GATA4: variants seen among roughly 807,000 people sequenced by gnomAD.
GATA4 encodes GATA binding protein 4, also known as transcription factor GATA-4.
In GATA4, 7 loss-of-function variants were observed where a neutral mutation model predicts 37.9. The observed-to-expected ratio is 0.18, with a 90% confidence interval of 0.11 to 0.35. GATA4 has a LOEUF of 0.35. Ranked by LOEUF, GATA4 falls within the 10% of genes least tolerant of loss-of-function variation. The probability of loss-of-function intolerance (pLI) is 1.00; values close to 1 mark genes in which losing one functional copy is unlikely to be tolerated. For missense variants in GATA4, 647 were observed against 653.0 expected, an observed-to-expected ratio of 0.99 and a Z score of 0.10; for synonymous variants, 372 against 292.6, an observed-to-expected ratio of 1.27 and a Z score of -2.77.
At chr8:11,753,647 TAG>T in intron 4 of GATA4, among the ~76,000 whole-genome samples, 1 of 151,806 alleles carries the variant, frequency 6.6e-6, no homozygotes, top group South Asian at 2.1e-4. Context: ...GGTCTGGGTG[TAG>T]AGTCACAGAG....
chr8:11,688,433 A>C (rs1314039286), upstream of GATA4, among the ~76,000 whole-genome samples: 1 of 152,214 alleles, frequency 6.6e-6, no homozygotes, highest in African/African-American at 2.4e-5. Context: ...GGATTATAGA[A>C]TTACTAAAGG....
At position 11,708,964 on chromosome 8, in the gene GATA4, C is replaced by T. The variant is rs1322558667; in HGVS notation, c.616+36C>T. ...GCGCGAGGGCTGGGGCGCGTGAGGG[C>T]CGGGGCAGGGGCCGTCTTGAGCCCT... On this transcript the variant is annotated intron_variant, in intron 2 of 6. Coordinates refer to ENST00000532059, the MANE Select transcript of GATA4 (RefSeq NM_001308093.3). This position sits in a 1 kb window ranked among gnomAD's most constrained non-coding sequence, Gnocchi z 6.7. 3.3e-6 allele frequency: 5 copies of T among 1,513,154 alleles called. No homozygotes were observed. The Admixed American group carries it at 6.3e-5, about 19-fold the overall frequency. 93.7% of individuals were successfully genotyped at this position (1,513,154 alleles called of 1,614,324 possible).
At chr8:11,736,933 G>T (rs903384640) in intron 2 of GATA4, among the ~76,000 whole-genome samples, 1 of 152,148 alleles carries the variant, frequency 6.6e-6, no homozygotes, top group African/African-American at 2.4e-5. Flanking sequence ...ATTGTCTCCT[G>T]GCCCTGGTAA....
At chr8:11,756,799 T>G in intron 5 of GATA4, 136 bp from the exon 6 acceptor site, 1 of 1,168,734 alleles carries the variant, frequency 8.6e-7, no homozygotes, top group Non-Finnish European at 1.3e-6. Context: ...CCTCCGCAGA[T>G]AAGGACCTCT....
chr8:11,753,506 A>G (rs1189303563), intron 4 of GATA4, among the ~76,000 whole-genome samples: 1 of 151,412 alleles, frequency 6.6e-6, no homozygotes, highest in Non-Finnish European at 1.5e-5. Context: ...GAAAAAAAAA[A>G]AGCATACCTA....
Position 11,749,793 on chromosome 8 carries a change from G to T in GATA4, c.787-318G>T, listed in dbSNP as rs1404695829. Among the ~76,000 whole-genome samples, 1 of 152,204 alleles carries T rather than the reference G, an allele frequency of 6.6e-6. No homozygotes were observed. The highest frequency in any genetic ancestry group is 6.5e-5 in the Admixed American group (1 of 15,288). Reference sequence around the variant, plus strand: ...CAGCCCCGGTCAGTTCTCCTCTCAGGAGAAGCTTTCCTGCCGGCAGTGCCC... The same window carrying T: ...CAGCCCCGGTCAGTTCTCCTCTCAGTAGAAGCTTTCCTGCCGGCAGTGCCC... On this transcript the variant is annotated intron_variant, in intron 3 of 6. Coordinates refer to ENST00000532059, the MANE Select transcript of GATA4 (RefSeq NM_001308093.3). The surrounding 1 kb of genome is among the most constrained non-coding windows in gnomAD (Gnocchi z 4.6).
intron 1 of GATA4, chr8:11,681,010 A>G: frequency 9.5e-6 from 9 of 942,566 alleles, no homozygotes; most frequent in Non-Finnish European, 1.1e-5. Flanking sequence ...GCACCCCCGA[A>G]TCCCATACCC....
At chr8:11,746,717 G>C (rs1802051421) in intron 2 of GATA4, among the ~76,000 whole-genome samples, 2 of 152,230 alleles carry the variant, frequency 1.3e-5, no homozygotes, top group Admixed American at 1.3e-4. Context: ...GATTGTGGTG[G>C]TCCAGCTGGG....
At position 11,693,562 on chromosome 8, in the gene GATA4, C is replaced by CAGAGAG. The variant is rs139631153; in HGVS notation, c.-729+930_-729+935dup. 9.1e-4 allele frequency among the ~76,000 whole-genome samples: 66 copies of CAGAGAG among 72,218 alleles called. 1 individual carries two copies. The highest frequency in any genetic ancestry group is 2.6e-3 in the African/African-American group (51 of 19,850). 47.4% of individuals were successfully genotyped at this position (72,218 alleles called of 152,430 possible). A position where few individuals can be genotyped will look rare whatever the true frequency, so the allele number is the denominator to read the frequency against. The stretch of plus-strand genomic sequence containing the variant: ...ACACACACACACACACACACACACA[C>CAGAGAG]AGAGAGAGAGAGAGAGAGAGAGAGA... On this transcript the variant is annotated intron_variant, in intron 1 of 2. Transcript: ENST00000526974.
Position 11,758,343 on chromosome 8 carries a change from C to G in GATA4, c.1200C>G (p.Val400=). ...MSGHGPSIHP[V]LSALKLSPQG... ...GCCATGGGCCCTCCATCCACCCTGT[C>G]CTCTCGGCCCTGAAGCTCTCCCCAC... is the stretch of plus-strand genomic sequence containing the variant. Residue 400 remains valine, a synonymous_variant, in exon 7 of 7, where the codon GTC becomes GTG. Transcript: ENST00000532059. 1 of 1,614,220 alleles carries G rather than the reference C, an allele frequency of 6.2e-7. No individual in the cohort carries two copies. The highest frequency in any genetic ancestry group is 2.2e-5 in the East Asian group (1 of 44,886).
rs768967856 is a variant in GATA4 at position 11,755,127 on chromosome 8, C to G, written c.994C>G (p.Pro332Ala). 5.0e-6 allele frequency: 8 copies of G among 1,612,268 alleles called. No homozygotes were observed. The South Asian group carries it at 5.5e-5, about 11-fold the overall frequency. The change falls in exon 5 of 7, where the codon CCA (proline) becomes GCA (alanine). Residue 332 changes from proline to alanine, a missense_variant. Transcript: ENST00000532059. ...KPKNLNKSKT[P>A]AAPSGSESLP... ...CAAGAACCTGAATAAATCTAAGACA[C>G]CAGCAGGTGAGGAAAAGATCTGTGA... is the stretch of plus-strand genomic sequence containing the variant.
chr8:11,725,429 C>T (rs190191496), intron 2 of GATA4, among the ~76,000 whole-genome samples: 1,575 of 152,368 alleles, frequency 0.01, 20 homozygotes, highest in African/African-American at 0.036. Context: ...CTGGCCCCCA[C>T]CTTCAGAAGC....
At chr8:11,733,676 G>GA (rs1444385828) in intron 2 of GATA4, among the ~76,000 whole-genome samples, 1 of 152,218 alleles carries the variant, frequency 6.6e-6, no homozygotes, top group Non-Finnish European at 1.5e-5. Flanking sequence ...TGCTGATATG[G>GA]AAAAATGTCT....
At chr8:11,700,512 G>C (rs1799638087), upstream of GATA4, 1 of 152,312 alleles carries the variant, frequency 6.6e-6, no homozygotes, top group Non-Finnish European at 1.5e-5. Context: ...CTTCAGCAGG[G>C]ACGCATCCTG....
Position 11,736,597 on chromosome 8 carries a change from G to T in GATA4, c.617-12319G>T, listed in dbSNP as rs561101763. Among the ~76,000 whole-genome samples, 6 of 152,376 alleles carry T rather than the reference G, an allele frequency of 3.9e-5. No homozygotes were observed. In the South Asian group the frequency reaches 1.0e-3, roughly 26 times the overall value. On this transcript the variant is annotated intron_variant, in intron 2 of 6. Transcript: ENST00000532059. Reference sequence around the variant, plus strand: ...CTGGAGGACCTTCGTCAAGACCCCGGGGGGTGTGGATGTGGACCTGGAGGA... The same window carrying T: ...CTGGAGGACCTTCGTCAAGACCCCGTGGGGTGTGGATGTGGACCTGGAGGA...
chr8:11,741,800 GA>G (rs1327103884), intron 2 of GATA4, among the ~76,000 whole-genome samples: 2 of 152,352 alleles, frequency 1.3e-5, no homozygotes, highest in East Asian at 3.9e-4. Context: ...GACAAGATGG[GA>G]AAACAGCATG....
intron 1 of GATA4, among the ~76,000 whole-genome samples, chr8:11,687,113 C>T (rs1351769896): frequency 6.6e-6 from 1 of 152,120 alleles, no homozygotes; most frequent in East Asian, 1.9e-4. Flanking sequence ...AGGATGCCTT[C>T]CAAAGCAAGA....
intron 2 of GATA4, among the ~76,000 whole-genome samples, chr8:11,719,510 G>A (rs989852815): frequency 1.3e-5 from 2 of 152,022 alleles, no homozygotes; most frequent in Non-Finnish European, 2.9e-5. Context: ...AGTAGTATAA[G>A]GGAAACTTCT....
At chr8:11,757,223 C>G in intron 6 of GATA4, 140 bp downstream of exon 6, 2 of 1,319,466 alleles carry the variant, frequency 1.5e-6, no homozygotes. Flanking sequence ...GCTAGGAAGA[C>G]CCAGCCATTG....
Sources: allele counts gnomAD v4.1 joint callset (sites outside exome capture counted in the v4.1 genomes callset), GRCh38; gene constraint gnomAD v4.1.1; non-coding constraint Gnocchi (gnomAD v3.1); transcripts MANE v1.5; gene names NCBI Gene and HGNC (gene_info 2026-07-23, HGNC 2026-07-21).